The following PCLO variants were observed in gnomAD, a reference collection of about 807,000 sequenced individuals.
PCLO encodes the protein protein piccolo.
In PCLO, 82 loss-of-function variants were observed where a neutral mutation model predicts 427.5. That is an observed-to-expected ratio of 0.19 (90% CI 0.16 to 0.23). The LOEUF (loss-of-function observed/expected upper bound fraction) is 0.23. PCLO is among the 10% of genes least tolerant of loss of function. The pLI is 1.00. For missense variants in PCLO, 6,239 were observed against 6,115.9 expected (o/e 1.02, Z -0.67); for synonymous variants, 2,357 against 2,155.4 (o/e 1.09, Z -2.59).
At chr7:83,004,521 G>T (rs116701455) in intron 3 of PCLO, among the ~76,000 whole-genome samples, 3,209 of 151,604 alleles carry the variant, frequency 0.021, 119 homozygotes, top group African/African-American at 0.073. Flanking sequence ...ACTCAAGATG[G>T]ATTAAAGACT....
intron 22 of PCLO, among the ~76,000 whole-genome samples, chr7:82,780,554 T>A (rs1348452055): frequency 4.6e-5 from 7 of 152,142 alleles, no homozygotes; most frequent in African/African-American, 1.7e-4. Context: ...TGTTTGTTTG[T>A]TTGTTTTGTT....
intron 6 of PCLO, among the ~76,000 whole-genome samples, chr7:82,926,115 A>G (rs558591544): frequency 2.0e-4 from 31 of 152,314 alleles, no homozygotes; most frequent in African/African-American, 6.7e-4. Context: ...TACTTTCAAC[A>G]TGAATAAAAT....
At chr7:83,077,921 C>T (rs1789998207) in intron 3 of PCLO, among the ~76,000 whole-genome samples, 1 of 152,014 alleles carries the variant, frequency 6.6e-6, no homozygotes, top group African/African-American at 2.4e-5. Context: ...ATGGGAAATA[C>T]CCAAATCCTC....
In PCLO at chr7:82,822,584, T is replaced by C. The variant is rs149360770; in HGVS notation, c.14702A>G (p.Lys4901Arg). ...RSHGPSRSQS[K>R]TSVTQTHLED... Reference sequence around the variant, plus strand: ...CAGGTGGGTCTGAGTGACGCTGGTTTTGCTTTGACTGCGAGATGGTCCATG... The same window carrying C: ...CAGGTGGGTCTGAGTGACGCTGGTTCTGCTTTGACTGCGAGATGGTCCATG... Residue 4901 changes from lysine to arginine, a missense_variant, in exon 20 of 25, where the codon AAA becomes AGA. Around this residue, in one of 5 missense-constraint regions of PCLO, gnomAD observed 877 missense variants for 925.5 expected, o/e 0.95. Coordinates refer to ENST00000333891, the MANE Select transcript of PCLO (RefSeq NM_033026.6). The C allele has an allele frequency of 1.3e-3, 2,160 of 1,613,874 alleles. 28 individuals are homozygous for C. In the Middle Eastern group the frequency reaches 0.042, roughly 32 times the overall value.
At position 82,902,454 on chromosome 7, in the gene PCLO, A is replaced by T. The variant is rs187008173; in HGVS notation, c.13528+197T>A. Among the ~76,000 whole-genome samples, 1,207 of 152,094 alleles carry T rather than the reference A, an allele frequency of 7.9e-3. 21 individuals are homozygous for T. Among genetic ancestry groups the T allele is most frequent in the African/African-American group, 0.026 (1,094 of 41,520 alleles). On this transcript the variant is annotated intron_variant, in intron 9 of 24. Coordinates refer to ENST00000333891, the MANE Select transcript of PCLO (RefSeq NM_033026.6). ...GGTGAGGGAAGGGGGGAGGGATAGC[A>T]TTAGGAGATATACCTAATGCTAAAT... is the stretch of plus-strand genomic sequence containing the variant.
intron 22 of PCLO, among the ~76,000 whole-genome samples, chr7:82,786,051 C>T (rs1459009944): frequency 6.6e-6 from 1 of 152,070 alleles, no homozygotes; most frequent in Admixed American, 6.6e-5. Context: ...TCTTCAAAAA[C>T]TTCTAAGGTA....
chr7:83,036,554 A>T (rs1397566732), intron 3 of PCLO, among the ~76,000 whole-genome samples: 1 of 152,026 alleles, frequency 6.6e-6, no homozygotes, highest in Non-Finnish European at 1.5e-5. Flanking sequence ...GTCCTCATGT[A>T]TGTTATTATT....
Position 82,951,130 on chromosome 7 carries a change from T to C in PCLO, c.9458A>G (p.Asp3153Gly). The change falls in exon 6 of 25, where the codon GAC becomes GGC. Residue 3153 changes from aspartate to glycine, a missense_variant. Asp to Gly is a moderately conservative substitution (Grantham distance 94). Around this residue, in one of 5 missense-constraint regions of PCLO, gnomAD observed 4,677 missense variants for 4,468.4 expected, o/e 1.05. Coordinates refer to ENST00000333891, the MANE Select transcript of PCLO (RefSeq NM_033026.6). ...GATATCAATACCAGTTACTGCAATG[T>C]CCGTTTCAGATGCACCTGTTGTTAT... ...YFITTGASET[D>G]IAVTGIDISA... 3 of 1,613,820 alleles carry C rather than the reference T, an allele frequency of 1.9e-6. No homozygotes were observed. Among genetic ancestry groups the C allele is most frequent in the Non-Finnish European group, 2.5e-6 (3 of 1,179,788 alleles).
At chr7:82,834,955 TGTTTGTTTGTTTG>T in intron 16 of PCLO, among the ~76,000 whole-genome samples, 2 of 150,016 alleles carry the variant, frequency 1.3e-5, no homozygotes, top group South Asian at 4.2e-4. Context: ...TCTTTTTTTT[TGTTTGTTTGTTTG>T]TTTGTTTGTT....
intron 9 of PCLO, among the ~76,000 whole-genome samples, chr7:82,892,449 T>C (rs1364203494): frequency 6.6e-6 from 1 of 152,150 alleles, no homozygotes; most frequent in Non-Finnish European, 1.5e-5. Context: ...AAGACGTGCA[T>C]GTTAGACCTA....
chr7:82,794,459 C>CTGTTTTTTTGTTTTTTTTTTTT (rs1554333552), intron 22 of PCLO, among the ~76,000 whole-genome samples: 1 of 56,350 alleles, frequency 1.8e-5, no homozygotes, highest in African/African-American at 4.4e-5. Flanking sequence ...AATTTTTTTT[C>CTGTTTTTTTGTTTTTTTTTTTT]TTTTTTTTTT....
intron 3 of PCLO, among the ~76,000 whole-genome samples, chr7:83,045,485 T>C (rs1336224764): frequency 1.3e-5 from 2 of 152,122 alleles, no homozygotes; most frequent in African/African-American, 2.4e-5. Flanking sequence ...CTTTTTATTT[T>C]CTCCTCAGAT....
chr7:83,140,211 T>C (rs2116634390), intron 2 of PCLO, among the ~76,000 whole-genome samples: 1 of 152,272 alleles, frequency 6.6e-6, no homozygotes, highest in Non-Finnish European at 1.5e-5. Context: ...TGGGTCTGGA[T>C]TGCTTGTGAA....
chr7:82,984,412 G>C (rs1796213276), intron 3 of PCLO, among the ~76,000 whole-genome samples: 1 of 134,538 alleles, frequency 7.4e-6, no homozygotes, highest in Non-Finnish European at 1.6e-5. Flanking sequence ...TGGTGTCTGT[G>C]TGTGTGTGTG....
intron 3 of PCLO, among the ~76,000 whole-genome samples, chr7:83,060,501 C>T (rs1021275593): frequency 2.0e-4 from 30 of 152,276 alleles, no homozygotes; most frequent in Admixed American, 2.0e-3. Context: ...CTGCTCAGCA[C>T]TTCTCTCAGT....
intron 10 of PCLO, among the ~76,000 whole-genome samples, chr7:82,866,688 AC>A (rs2115952535): frequency 6.6e-6 from 1 of 151,734 alleles, no homozygotes; most frequent in East Asian, 1.9e-4. Flanking sequence ...ACACACACAC[AC>A]ACACACACCC....
intron 3 of PCLO, among the ~76,000 whole-genome samples, chr7:83,109,420 C>T (rs1425153458): frequency 6.6e-6 from 1 of 152,170 alleles, no homozygotes; most frequent in African/African-American, 2.4e-5. Flanking sequence ...TCATCCCTGA[C>T]AAACTACTCT....
intron 3 of PCLO, among the ~76,000 whole-genome samples, chr7:82,991,974 C>T (rs1447692407): frequency 6.6e-6 from 1 of 152,056 alleles, no homozygotes; most frequent in Non-Finnish European, 1.5e-5. Flanking sequence ...AAGAGACATA[C>T]CACTGTGAGT....
chr7:82,787,593 C>T (rs911099429), intron 22 of PCLO, among the ~76,000 whole-genome samples: 2 of 151,996 alleles, frequency 1.3e-5, no homozygotes, highest in Non-Finnish European at 2.9e-5. Flanking sequence ...TTTAAAATAT[C>T]ACATGACGTG....
Sources: allele counts gnomAD v4.1 joint callset (sites outside exome capture counted in the v4.1 genomes callset), GRCh38; gene constraint gnomAD v4.1.1; regional missense constraint gnomAD v4.1.1; transcripts MANE v1.5; gene names NCBI Gene and HGNC (gene_info 2026-07-23, HGNC 2026-07-21).